The following GMPR variants were observed in gnomAD, a reference collection of about 807,000 sequenced individuals.
GMPR encodes guanosine monophosphate reductase, also known as GMP reductase 1.
A neutral mutation model predicts 38.4 loss-of-function variants in GMPR; 31 were observed. That is an observed-to-expected ratio of 0.81 (90% CI 0.61 to 1.09). The LOEUF is 1.09. Ranked by LOEUF, GMPR falls within the 50% of genes least tolerant of loss-of-function variation. GMPR has a pLI of 0.00. For missense variants in GMPR, 468 were observed against 453.7 expected, an observed-to-expected ratio of 1.03 and a Z score of -0.29; for synonymous variants, 162 against 173.3, an observed-to-expected ratio of 0.93 and a Z score of 0.51.
At chr6:16,244,966 A>C (rs1047979744) in intron 1 of GMPR, among the ~76,000 whole-genome samples, 3 of 152,106 alleles carry the variant, frequency 2.0e-5, no homozygotes, top group African/African-American at 7.2e-5. Context: ...TGCCAAGAAA[A>C]ACCCATTGTG....
At chr6:16,243,054 A>G (rs555571941) in intron 1 of GMPR, among the ~76,000 whole-genome samples, 1 of 151,954 alleles carries the variant, frequency 6.6e-6, no homozygotes, top group African/African-American at 2.4e-5. Flanking sequence ...GGAGGTTAGG[A>G]CTTCAACATT....
intron 6 of GMPR, among the ~76,000 whole-genome samples, chr6:16,282,590 C>T (rs1759594520): frequency 6.6e-6 from 1 of 152,168 alleles, no homozygotes; most frequent in Non-Finnish European, 1.5e-5. Flanking sequence ...GCCGTCTACG[C>T]AATATCTCCT....
chr6:16,289,945 C>T (rs1759804413), intron 7 of GMPR: 1 of 138,866 alleles, frequency 7.2e-6, no homozygotes, highest in East Asian at 2.2e-4. Flanking sequence ...TCTCGGCTCA[C>T]TGCAACCTCC....
At chr6:16,265,437 A>G (rs1017831523) in intron 4 of GMPR, among the ~76,000 whole-genome samples, 3 of 152,190 alleles carry the variant, frequency 2.0e-5, no homozygotes, top group African/African-American at 4.8e-5. Context: ...TGTCCCCCAC[A>G]TGCCACCAGT....
chr6:16,267,369 C>CAA (rs1283641780), intron 4 of GMPR, among the ~76,000 whole-genome samples: 1 of 150,024 alleles, frequency 6.7e-6, no homozygotes, highest in Non-Finnish European at 1.5e-5. Context: ...GACTCCGTCT[C>CAA]AAAAAACAAA....
chr6:16,291,364 C>T (rs1290345304), intron 8 of GMPR, among the ~76,000 whole-genome samples: 1 of 152,012 alleles, frequency 6.6e-6, no homozygotes, highest in East Asian at 1.9e-4. Context: ...ACTGGGATTA[C>T]AGGTACCCCC....
In GMPR at chr6:16,238,681, GAGCCGCTGCACCATGCCCCGCATAGAT is replaced by G; in HGVS notation, c.-12_15del. The G allele has an allele frequency of 7.5e-7, 1 of 1,324,922 alleles. No homozygotes were observed. Among genetic ancestry groups the G allele is most frequent in the Non-Finnish European group, 9.8e-7 (1 of 1,017,398 alleles). 82.1% of individuals were successfully genotyped at this position (1,324,922 alleles called of 1,614,324 possible). On this transcript the variant is annotated start_lost and 5_prime_UTR_variant, in exon 1 of 9. Coordinates refer to ENST00000259727, the MANE Select transcript of GMPR (RefSeq NM_006877.4). The stretch of plus-strand genomic sequence containing the variant: ...CCGCCGTCGCCGCCGCCGCAGCCAG[GAGCCGCTGCACCATGCCCCGCATAGAT>G]GCGGACCTCAAGCTCGACTTCAAGG...
At chr6:16,284,504 GT>G (rs1759637615) in intron 6 of GMPR, among the ~76,000 whole-genome samples, 1 of 152,218 alleles carries the variant, frequency 6.6e-6, no homozygotes, top group South Asian at 2.1e-4. Flanking sequence ...AGGTCCTGCT[GT>G]TTCTCCTAGA....
intron 1 of GMPR, among the ~76,000 whole-genome samples, chr6:16,242,763 C>T (rs1337713563): frequency 6.6e-6 from 1 of 152,082 alleles, no homozygotes; most frequent in African/African-American, 2.4e-5. Context: ...CTCAGCCTCC[C>T]GAGTAACTGG....
intron 5 of GMPR, 76 bp from the exon 6 acceptor site, chr6:16,278,708 T>G (rs938480643): frequency 9.8e-7 from 1 of 1,018,370 alleles, no homozygotes; most frequent in Non-Finnish European, 1.6e-6. Flanking sequence ...GCTGCAAAGG[T>G]AAGGGGGACG....
intron 7 of GMPR, among the ~76,000 whole-genome samples, chr6:16,288,926 G>A (rs1023272141): frequency 6.6e-6 from 1 of 152,198 alleles, no homozygotes; most frequent in Middle Eastern, 3.2e-3. Context: ...CTCAGGGATT[G>A]TAAACACACC....
In GMPR at chr6:16,295,234, G is replaced by T; in HGVS notation, c.*48G>T. 1.5e-6 allele frequency: 2 copies of T among 1,371,678 alleles called. No individual in the cohort carries two copies. The allele number at this position is 1,371,678 out of a possible 1,614,324, so 85.0% of individuals were successfully genotyped here. Reference sequence around the variant, plus strand: ...GGCTCGAGTGGAAGCGTCCAAACCTGCTTTTCCCATCTCCCCCCAAGTCTG... The same window carrying T: ...GGCTCGAGTGGAAGCGTCCAAACCTTCTTTTCCCATCTCCCCCCAAGTCTG... On this transcript the variant is annotated 3_prime_UTR_variant, in exon 9 of 9. Coordinates refer to ENST00000259727, the MANE Select transcript of GMPR (RefSeq NM_006877.4).
In GMPR at chr6:16,238,599, G is replaced by C. The variant is rs1427229421; in HGVS notation, c.-95G>C. The C allele has an allele frequency of 3.5e-6, 1 of 287,680 alleles. No homozygotes were observed. The allele number at this position is 287,680 out of a possible 1,614,324, so 17.8% of individuals were successfully genotyped here. On this transcript the variant is annotated 5_prime_UTR_variant, in exon 1 of 9. Transcript: ENST00000259727. ...GCGCACCCGGCCCACGCCAGCTCCC[G>C]GCCGCGGCACAGCAGCCCCGGCGCT... is the stretch of plus-strand genomic sequence containing the variant.
chr6:16,286,828 C>T (rs969690749), intron 7 of GMPR, among the ~76,000 whole-genome samples: 3 of 152,024 alleles, frequency 2.0e-5, no homozygotes, highest in African/African-American at 7.3e-5. Flanking sequence ...ATCGCTTGAA[C>T]CCGGGAGCCA....
At chr6:16,290,837 A>C (rs1388151431) in intron 8 of GMPR, among the ~76,000 whole-genome samples, 1 of 152,178 alleles carries the variant, frequency 6.6e-6, no homozygotes, top group African/African-American at 2.4e-5. Flanking sequence ...GATGGGTTGG[A>C]AGTGTGACCA....
intron 8 of GMPR, among the ~76,000 whole-genome samples, chr6:16,292,323 C>G (rs1581669460): frequency 6.6e-6 from 1 of 151,972 alleles, no homozygotes; most frequent in African/African-American, 2.4e-5. Context: ...GGGGTGTATT[C>G]TACCAGAGTT....
At chr6:16,290,664 G>T in intron 8 of GMPR, 43 bp downstream of exon 8, 2 of 1,575,118 alleles carry the variant, frequency 1.3e-6, no homozygotes, top group Non-Finnish European at 8.7e-7. Flanking sequence ...GCCTGGCCTT[G>T]CTTTTCTTAC....
chr6:16,266,161 TCTTTAAGAGCTGTAACACTTGCC>T (rs1759213886), intron 4 of GMPR, among the ~76,000 whole-genome samples: 1 of 45,748 alleles, frequency 2.2e-5, no homozygotes, highest in Non-Finnish European at 3.3e-5. Context: ...ACACTTGCCA[TCTTTAAGAGCTGTAACACTTGCC>T]ATCTTTAAGA....
chr6:16,290,550 G>A lies in GMPR; in HGVS notation c.786G>A (p.Lys262=). Residue 262 remains lysine, a synonymous_variant, in exon 8 of 9, where the codon AAG becomes AAA. Coordinates refer to ENST00000259727, the MANE Select transcript of GMPR (RefSeq NM_006877.4). The stretch of plus-strand genomic sequence containing the variant: ...AAGTGTTTGAGAGGAACGGACGGAA[G>A]CTCAAGCTCTTCTACGGGATGAGCT... ...AGEVFERNGR[K]LKLFYGMSSD... is the part of the protein sequence containing the mutation. 6.2e-7 allele frequency: 1 copy of A among 1,614,130 alleles called. No homozygotes were observed. Among genetic ancestry groups the A allele is most frequent in the East Asian group, 2.2e-5 (1 of 44,890 alleles).
Sources: allele counts gnomAD v4.1 joint callset (sites outside exome capture counted in the v4.1 genomes callset), GRCh38; gene constraint gnomAD v4.1.1; transcripts MANE v1.5; gene names NCBI Gene and HGNC (gene_info 2026-07-23, HGNC 2026-07-21).